The following LOC647264 variants were observed in gnomAD, a reference collection of about 807,000 sequenced individuals.
chr13:63,832,861 C>T, the LOC647264 span, among the ~76,000 whole-genome samples: 1 of 152,172 alleles, frequency 6.6e-6, no homozygotes, highest in African/African-American at 2.4e-5. Context: ...TAGCTGGAGC[C>T]ATAGCCACAG....
At chr13:63,832,945 C>T in the LOC647264 span, among the ~76,000 whole-genome samples, 8 of 151,952 alleles carry the variant, frequency 5.3e-5, no homozygotes, top group African/African-American at 1.4e-4. Context: ...TAGCCACAGC[C>T]ATAGCTGGAG....
At chr13:63,832,704 T>TAGCCACAGTAGCCAGAGCCAG in the LOC647264 span, among the ~76,000 whole-genome samples, 1 of 151,388 alleles carries the variant, frequency 6.6e-6, no homozygotes. Context: ...AAATGGCCGG[T>TAGCCACAGTAGCCAGAGCCAG]AGCCACAGTA....
chr13:63,832,970 G>A, the LOC647264 span, among the ~76,000 whole-genome samples: 12 of 151,922 alleles, frequency 7.9e-5, no homozygotes, highest in East Asian at 2.3e-3. Context: ...AGCCACAGGA[G>A]TTGCCGTAGT....
At chr13:63,832,906 A>T in the LOC647264 span, among the ~76,000 whole-genome samples, 1 of 36,504 alleles carries the variant, frequency 2.7e-5, no homozygotes, top group Non-Finnish European at 8.4e-5. Flanking sequence ...CCATAGCTGG[A>T]GCCATAGCCA....
chr13:63,832,364 A>G, the LOC647264 span, among the ~76,000 whole-genome samples: 3 of 18,318 alleles, frequency 1.6e-4, no homozygotes, highest in South Asian at 1.8e-3. Context: ...TTTTTTTGGA[A>G]TAAAGAACCA....
At chr13:63,832,914 C>T in the LOC647264 span, among the ~76,000 whole-genome samples, 1 of 37,366 alleles carries the variant, frequency 2.7e-5, no homozygotes, top group Admixed American at 3.0e-4. Context: ...GGAGCCATAG[C>T]CACAGCCATA....
chr13:63,832,847 G>T, the LOC647264 span, among the ~76,000 whole-genome samples: 1 of 145,810 alleles, frequency 6.9e-6, no homozygotes, highest in Admixed American at 6.7e-5. Context: ...CATAGCCACA[G>T]CCATAGCTGG....
the LOC647264 span, among the ~76,000 whole-genome samples, chr13:63,832,722 C>G: frequency 2.4e-4 from 37 of 151,952 alleles, no homozygotes; most frequent in South Asian, 7.7e-3. Context: ...GTAGCCAGAG[C>G]CAGAGCCACA....
At chr13:63,832,802 AGAGCCAGAGCCATAGCCACAGCTG>A in the LOC647264 span, among the ~76,000 whole-genome samples, 32 of 151,984 alleles carry the variant, frequency 2.1e-4, 1 homozygote, top group African/African-American at 7.5e-4. Context: ...AGCCACAGCC[AGAGCCAGAGCCATAGCCACAGCTG>A]TAGCCAGAGC....
the LOC647264 span, among the ~76,000 whole-genome samples, chr13:63,832,925 A>T: frequency 5.5e-5 from 1 of 18,236 alleles, no homozygotes; most frequent in Admixed American, 5.5e-4. Context: ...CACAGCCATA[A>T]CCAGAGCCAT....
At chr13:63,832,657 T>C in the LOC647264 span, among the ~76,000 whole-genome samples, 1 of 148,322 alleles carries the variant, frequency 6.7e-6, no homozygotes, top group Admixed American at 6.8e-5. Flanking sequence ...CCTCTGACAG[T>C]GATGTTTTAG....
the LOC647264 span, among the ~76,000 whole-genome samples, chr13:63,832,763 G>T: frequency 2.6e-5 from 4 of 152,134 alleles, no homozygotes; most frequent in South Asian, 6.2e-4. Context: ...CATAACCACA[G>T]CCATACCCAC....
At chr13:63,832,864 A>G in the LOC647264 span, among the ~76,000 whole-genome samples, 1 of 152,170 alleles carries the variant, frequency 6.6e-6, no homozygotes, top group African/African-American at 2.4e-5. Flanking sequence ...CTGGAGCCAT[A>G]GCCACAGCCA....
the LOC647264 span, among the ~76,000 whole-genome samples, chr13:63,832,886 ATAG>A: frequency 8.6e-5 from 12 of 139,216 alleles, no homozygotes; most frequent in African/African-American, 2.7e-4. Flanking sequence ...AACCAGAGCC[ATAG>A]CCACAGCCAT....
the LOC647264 span, among the ~76,000 whole-genome samples, chr13:63,832,797 C>G: frequency 6.6e-6 from 1 of 151,970 alleles, no homozygotes; most frequent in East Asian, 1.9e-4. Flanking sequence ...TCCATAGCCA[C>G]AGCCAGAGCC....
At chr13:63,832,829 G>A in the LOC647264 span, among the ~76,000 whole-genome samples, 34 of 150,708 alleles carry the variant, frequency 2.3e-4, 1 homozygote, top group African/African-American at 8.2e-4. Flanking sequence ...CACAGCTGTA[G>A]CCAGAGCCAT....
At chr13:63,832,925 A>AGCCATAG in the LOC647264 span, among the ~76,000 whole-genome samples, 3 of 18,236 alleles carry the variant, frequency 1.6e-4, no homozygotes, top group East Asian at 6.4e-3. Flanking sequence ...CACAGCCATA[A>AGCCATAG]CCAGAGCCAT....
At chr13:63,832,844 ACAGCCATAGCTGGAGCCATAGC>A in the LOC647264 span, among the ~76,000 whole-genome samples, 2 of 145,822 alleles carry the variant, frequency 1.4e-5, no homozygotes, top group African/African-American at 5.6e-5. Context: ...AGCCATAGCC[ACAGCCATAGCTGGAGCCATAGC>A]CACAGCCATA....
chr13:63,832,567 A>G, the LOC647264 span, among the ~76,000 whole-genome samples: 1 of 118,404 alleles, frequency 8.4e-6, no homozygotes, highest in South Asian at 3.3e-4. Flanking sequence ...CAAGCATGTA[A>G]TTCTTGGATA....
Sources: allele counts gnomAD v4.1 joint callset (sites outside exome capture counted in the v4.1 genomes callset), GRCh38; gene constraint gnomAD v4.1.1; transcripts MANE v1.5.